TAF1: variants seen among roughly 807,000 people sequenced by gnomAD.
The protein encoded by TAF1 is TATA-box binding protein associated factor 1.
A neutral mutation model predicts 138.5 loss-of-function variants in TAF1; 2 were observed. That is an observed-to-expected ratio of 0.01 (90% CI 0.01 to 0.05). The LOEUF is 0.05. TAF1 is among the 10% of genes least tolerant of loss of function. TAF1 has a pLI of 1.00. For missense variants in TAF1, 709 were observed against 1,478.0 expected (o/e 0.48, Z 8.53); for synonymous variants, 437 against 503.2 (o/e 0.87, Z 1.76).
chrX:71,504,104 T>C (rs2039573113), intron 13 of TAF1, among the ~76,000 whole-genome samples: 1 of 111,129 alleles, frequency 9.0e-6, no homozygotes, highest in Admixed American at 9.7e-5. Context: ...AAATTCTCCC[T>C]GTGAACAGCA....
chrX:71,481,447 C>T (rs145550415), intron 13 of TAF1, among the ~76,000 whole-genome samples: 3 of 112,666 alleles, frequency 2.7e-5, no homozygotes, highest in African/African-American at 9.6e-5. Flanking sequence ...TTTGGAATAT[C>T]TGAGATAATG....
chrX:71,412,050 C>T (rs767536108), intron 28 of TAF1, among the ~76,000 whole-genome samples: 1 of 110,627 alleles, frequency 9.0e-6, no homozygotes, highest in Non-Finnish European at 1.9e-5. Flanking sequence ...TGAGCCACCA[C>T]GCCCGGCTGG....
chrX:71,438,062 C>T (rs1026105289), intron 32 of TAF1, among the ~76,000 whole-genome samples: 1 of 110,075 alleles, frequency 9.1e-6, no homozygotes, highest in Non-Finnish European at 1.9e-5. Context: ...TCTCAAACTC[C>T]TGACCTCAGG....
chrX:71,439,495 T>C (rs2037306924), intron 32 of TAF1, among the ~76,000 whole-genome samples: 1 of 111,557 alleles, frequency 9.0e-6, no homozygotes, highest in Admixed American at 9.6e-5. Context: ...TCAAATAATC[T>C]AGAAATACAT....
intron 13 of TAF1, among the ~76,000 whole-genome samples, chrX:71,489,575 G>T (rs1335977420): frequency 9.1e-6 from 1 of 109,770 alleles, no homozygotes; most frequent in Non-Finnish European, 1.9e-5. Context: ...ACTTGGGAGG[G>T]TGAGGCAGGA....
intron 8 of TAF1, among the ~76,000 whole-genome samples, chrX:71,381,492 T>A (rs953606387): frequency 8.9e-6 from 1 of 111,764 alleles, no homozygotes; most frequent in African/African-American, 3.2e-5. Flanking sequence ...CTTGAACTCC[T>A]GACCTGAAGT....
chrX:71,518,178 G>A (rs2039857134), intron 13 of TAF1, among the ~76,000 whole-genome samples: 2 of 109,331 alleles, frequency 1.8e-5, no homozygotes, highest in South Asian at 7.8e-4. Context: ...AAATCACTTT[G>A]TTTGTTTTTG....
intron 37 of TAF1, among the ~76,000 whole-genome samples, chrX:71,461,134 G>A (rs182005794): frequency 1.4e-3 from 154 of 111,190 alleles, no homozygotes; most frequent in Non-Finnish European, 1.9e-3. Flanking sequence ...TCACAGACAA[G>A]GGAACATTTG....
intron 32 of TAF1, among the ~76,000 whole-genome samples, chrX:71,449,275 C>G (rs1255535354): frequency 9.0e-6 from 1 of 110,725 alleles, no homozygotes; most frequent in African/African-American, 3.3e-5. Flanking sequence ...CAGGCGTGAG[C>G]CACCGTGCCC....
chrX:71,385,673 C>T (rs2034172176), intron 14 of TAF1, among the ~76,000 whole-genome samples: 1 of 111,495 alleles, frequency 9.0e-6, no homozygotes, highest in Admixed American at 9.6e-5. Context: ...GTTTATTCTA[C>T]TGTTGTTGTT....
rs780374056 is a variant in TAF1 at position 71,387,530 on chromosome X, G to A, written c.2427+69G>A. On this transcript the variant is annotated intron_variant, in intron 15 of 37. Transcript: ENST00000423759. Reference sequence around the variant, plus strand: ...AGGGTATGTTGGGGCCGGGCATGGCGGCTCATGGCTGTAATCCCAGCACTT... The same window carrying A: ...AGGGTATGTTGGGGCCGGGCATGGCAGCTCATGGCTGTAATCCCAGCACTT... 19 of 1,145,590 alleles carry A rather than the reference G, an allele frequency of 1.7e-5. No individual in the cohort carries two copies. The South Asian group carries it at 3.1e-4, about 18-fold the overall frequency. The allele number at this position is 1,145,590 out of a possible 1,213,427, so 94.4% of individuals were successfully genotyped here.
At chrX:71,483,134 TTTTTTTTTTTTCTTTTC>T in intron 13 of TAF1, among the ~76,000 whole-genome samples, 1 of 97,417 alleles carries the variant, frequency 1.0e-5, no homozygotes, top group East Asian at 3.3e-4. Context: ...CATGACTGGC[TTTTTTTTTTTTCTTTTC>T]TTTTTTTTTT....
intron 32 of TAF1, among the ~76,000 whole-genome samples, chrX:71,439,224 A>G (rs186266473): frequency 3.2e-3 from 353 of 111,416 alleles, no homozygotes; most frequent in Non-Finnish European, 5.0e-3. Context: ...CTTTACTTGA[A>G]TCACTCATTT....
At chrX:71,498,072 C>T (rs1038244495) in intron 13 of TAF1, among the ~76,000 whole-genome samples, 5 of 111,682 alleles carry the variant, frequency 4.5e-5, no homozygotes, top group South Asian at 3.8e-4. Context: ...ATGACGCTTC[C>T]GAACTGGTAG....
At chrX:71,468,402 CAG>C (rs906599845), downstream of TAF1, among the ~76,000 whole-genome samples, 4 of 110,594 alleles carry the variant, frequency 3.6e-5, no homozygotes, top group Admixed American at 9.7e-5. Flanking sequence ...AAATTGGAAA[CAG>C]AGGCCGGGTG....
At chrX:71,468,827 T>C (rs192146632), downstream of TAF1, among the ~76,000 whole-genome samples, 161 of 105,800 alleles carry the variant, frequency 1.5e-3, no homozygotes, top group African/African-American at 5.5e-3. Flanking sequence ...ACCCTGTCTC[T>C]ACGAAAAAAA....
At chrX:71,409,813 GCAGTCTTTGCTCTCT>G (rs1415313346) in intron 28 of TAF1, among the ~76,000 whole-genome samples, 2 of 111,119 alleles carry the variant, frequency 1.8e-5, no homozygotes, top group African/African-American at 6.5e-5. Flanking sequence ...TCATGACTTT[GCAGTCTTTGCTCTCT>G]CAGTCTTTGC....
At chrX:71,433,593 G>T (rs1047019486) in intron 32 of TAF1, among the ~76,000 whole-genome samples, 2 of 111,137 alleles carry the variant, frequency 1.8e-5, no homozygotes, top group African/African-American at 6.5e-5. Context: ...TTCAAGAGAA[G>T]CTGAAAATCT....
In TAF1 at chrX:71,437,086, A is replaced by G. The variant is rs1315614169; in HGVS notation, c.4753+12848A>G. Among the ~76,000 whole-genome samples the G allele has an allele frequency of 2.7e-5, 3 of 111,172 alleles. No homozygotes were observed. In the South Asian group the frequency reaches 1.1e-3, roughly 41 times the overall value. ...ATTTGATAGTTTTTGTTGCTTTTGA[A>G]TTTCTCATTGTCGAGTTTATTCCTA... On this transcript the variant is annotated intron_variant, in intron 32 of 37. Coordinates refer to ENST00000423759, the MANE Select transcript of TAF1 (RefSeq NM_004606.5).
Sources: allele counts gnomAD v4.1 joint callset (sites outside exome capture counted in the v4.1 genomes callset), GRCh38; gene constraint gnomAD v4.1.1; transcripts MANE v1.5; gene names NCBI Gene and HGNC (gene_info 2026-07-23, HGNC 2026-07-21).